Variants in GLP2R observed in about 807,000 individuals in gnomAD.
GLP2R encodes the protein glucagon like peptide 2 receptor, also known as glucagon-like peptide 2 receptor.
GLP2R carries 59 observed loss-of-function variants against 68.2 expected under a neutral mutation model. The ratio of observed to expected loss-of-function variants is 0.87; its 90% CI spans 0.70 to 1.07. GLP2R has a LOEUF of 1.07. GLP2R is among the 50% of genes least tolerant of loss of function. GLP2R has a pLI of 0.00. For synonymous variants in GLP2R, 270 were observed against 265.4 expected (o/e 1.02, Z -0.17); for missense variants, 548 against 677.4 (o/e 0.81, Z 2.12).
chr17:9,845,748 C>CGTGTGT (rs60266643), intron 4 of GLP2R, among the ~76,000 whole-genome samples: 31,788 of 148,328 alleles, frequency 0.21, 4,422 homozygotes, highest in Non-Finnish European at 0.32. Flanking sequence ...TGTGTGTGTG[C>CGTGTGT]GTGTGTGTGT....
intron 4 of GLP2R, chr17:9,852,652 C>A: frequency 1.1e-5 from 2 of 180,790 alleles, no homozygotes; most frequent in Non-Finnish European, 2.3e-5. Flanking sequence ...ATAAATAAAA[C>A]CCAAACTTGG....
intron 9 of GLP2R, chr17:9,866,073 C>T (rs995911499): frequency 2.8e-6 from 1 of 352,998 alleles, no homozygotes; most frequent in Non-Finnish European, 5.5e-6. Context: ...GGTTCTAGGG[C>T]TCCCCAGAGA....
intron 10 of GLP2R, among the ~76,000 whole-genome samples, chr17:9,879,262 AAAATAAAATAAAATAAAATAAAATAAAAT>A (rs200989151): frequency 0.28 from 4,200 of 15,258 alleles, 261 homozygotes; most frequent in African/African-American, 0.49. Context: ...TCTATAAAAT[AAAATAAAATAAAATAAAATAAAATAAAAT>A]AAATAAAATA....
chr17:9,847,409 A>G (rs1012816178), intron 4 of GLP2R, among the ~76,000 whole-genome samples: 61 of 152,172 alleles, frequency 4.0e-4, no homozygotes, highest in Middle Eastern at 3.4e-3. Context: ...AGCTGGGACT[A>G]CAGGGGCACG....
At chr17:9,878,092 C>T (rs8077989) in intron 10 of GLP2R, among the ~76,000 whole-genome samples, 62 of 152,094 alleles carry the variant, frequency 4.1e-4, no homozygotes, top group Non-Finnish European at 7.8e-4. Flanking sequence ...CCCAGCCCAC[C>T]CAGAGCAAGG....
Position 9,854,581 on chromosome 17 carries a change from C to A in GLP2R, c.591C>A (p.Leu197=). The change falls in exon 5 of 13, where the codon CTC becomes CTA. Residue 197 remains leucine (L), a synonymous_variant. Transcript: ENST00000262441. ...SFSLISLFLA[L]TLLLFLRKLH... is the part of the protein sequence containing the mutation. Reference sequence around the variant, plus strand: ...CTCTTATCTCCCTCTTCCTGGCTCTCACCCTCCTCTTGTTTCTTCGGTGAG... The same window carrying A: ...CTCTTATCTCCCTCTTCCTGGCTCTAACCCTCCTCTTGTTTCTTCGGTGAG... 1 of 1,603,242 alleles carries A rather than the reference C, an allele frequency of 6.2e-7. No individual in the cohort carries two copies. The highest frequency in any genetic ancestry group is 8.5e-7 in the Non-Finnish European group (1 of 1,170,060).
intron 4 of GLP2R, among the ~76,000 whole-genome samples, chr17:9,849,368 C>T (rs2066870963): frequency 6.6e-6 from 1 of 152,000 alleles, no homozygotes; most frequent in South Asian, 2.1e-4. Flanking sequence ...CATCATTCTA[C>T]ACAACTACAT....
At chr17:9,826,647 A>C (rs2066634467) in intron 1 of GLP2R, among the ~76,000 whole-genome samples, 1 of 152,104 alleles carries the variant, frequency 6.6e-6, no homozygotes, top group Admixed American at 6.6e-5. Context: ...GGTTGAGCAA[A>C]TCCATTTTTC....
chr17:9,841,009 G>A (rs4791884), intron 3 of GLP2R, among the ~76,000 whole-genome samples: 110,133 of 149,776 alleles, frequency 0.74, 40,918 homozygotes, highest in East Asian at 0.91. Context: ...GCATGACATG[G>A]TGTGGCTAAT....
At chr17:9,883,879 A>G (rs912583308) in intron 11 of GLP2R, among the ~76,000 whole-genome samples, 2 of 152,256 alleles carry the variant, frequency 1.3e-5, no homozygotes, top group African/African-American at 4.8e-5. Context: ...ATGCTGGAAG[A>G]AAACGACAAC....
intron 4 of GLP2R, chr17:9,852,816 A>G (rs1469281690): frequency 3.7e-6 from 1 of 268,178 alleles, no homozygotes; most frequent in Non-Finnish European, 7.1e-6. Context: ...CATCATCTTC[A>G]TCATCATCAT....
intron 2 of GLP2R, chr17:9,834,707 C>A (rs1319080399): frequency 1.3e-5 from 2 of 152,304 alleles, no homozygotes; most frequent in Non-Finnish European, 2.9e-5. Context: ...TGTGAACTCT[C>A]CCTGTCTTTC....
rs962118855 is a variant in GLP2R at position 9,857,659 on chromosome 17, A to C, written c.765+83A>C. ...AATCAGAAGGCAGGCAGGTGGGACT[A>C]GGGAGGGGCAGCGGGAGATAAGAGG... On this transcript the variant is annotated intron_variant, in intron 6 of 12. Coordinates refer to ENST00000262441, the MANE Select transcript of GLP2R (RefSeq NM_004246.3). 2.6e-5 allele frequency: 34 copies of C among 1,330,692 alleles called. No homozygotes were observed. In the African/African-American group the frequency reaches 4.9e-4, roughly 19 times the overall value. 82.4% of individuals were successfully genotyped at this position (1,330,692 alleles called of 1,614,324 possible).
At chr17:9,831,542 C>T (rs1567716317) in intron 1 of GLP2R, among the ~76,000 whole-genome samples, 1 of 152,070 alleles carries the variant, frequency 6.6e-6, no homozygotes, top group African/African-American at 2.4e-5. Context: ...GGTCTCTAGG[C>T]TTGAGTTGGG....
intron 4 of GLP2R, 84 bp downstream of exon 4, chr17:9,842,700 G>A (rs1261368613): frequency 1.4e-6 from 2 of 1,463,150 alleles, no homozygotes; most frequent in Non-Finnish European, 1.9e-6. Flanking sequence ...CTGGCTCCAG[G>A]GGCCACACAA....
At chr17:9,837,013 C>T (rs1481616331) in intron 3 of GLP2R, among the ~76,000 whole-genome samples, 1 of 151,946 alleles carries the variant, frequency 6.6e-6, no homozygotes, top group Non-Finnish European at 1.5e-5. Flanking sequence ...CCACCACACT[C>T]GGCTAATTTT....
chr17:9,830,133 C>A (rs2066667244), intron 1 of GLP2R, among the ~76,000 whole-genome samples: 2 of 152,180 alleles, frequency 1.3e-5, no homozygotes, highest in Non-Finnish European at 1.5e-5. Flanking sequence ...TGAGTTTGTC[C>A]AGCTCTCCTA....
chr17:9,854,460 C>T, intron 4 of GLP2R, 35 bp from the exon 5 acceptor site: 1 of 1,296,068 alleles, frequency 7.7e-7, no homozygotes. Context: ...AGCCCCATGG[C>T]TTAGTGGTCA....
Position 9,857,375 on chromosome 17 carries a change from G to A in GLP2R, c.612-48G>A. ...CATAAAAGGCAGAGGCCTGTTGGTT[G>A]GAGCCATTCTTTCCTGAGGGAAGGC... On this transcript the variant is annotated intron_variant, in intron 5 of 12. Coordinates refer to ENST00000262441, the MANE Select transcript of GLP2R (RefSeq NM_004246.3). The A allele has an allele frequency of 4.4e-6, 7 of 1,586,570 alleles. No individual in the cohort carries two copies. In the South Asian group the frequency reaches 5.6e-5, roughly 13 times the overall value.
Sources: allele counts gnomAD v4.1 joint callset (sites outside exome capture counted in the v4.1 genomes callset), GRCh38; gene constraint gnomAD v4.1.1; transcripts MANE v1.5; gene names NCBI Gene and HGNC (gene_info 2026-07-23, HGNC 2026-07-21).